Variants in COLEC10 observed in about 807,000 individuals in gnomAD.
COLEC10 encodes the protein collectin subfamily member 10.
COLEC10 carries 22 observed loss-of-function variants against 28.4 expected under a neutral mutation model. That is an observed-to-expected ratio of 0.78 (90% confidence interval 0.55 to 1.11). COLEC10 has a LOEUF of 1.11. COLEC10 is among the 50% of genes least tolerant of loss of function. The probability of loss-of-function intolerance (pLI) is 0.00; values close to 1 mark genes in which losing one functional copy is unlikely to be tolerated. For missense variants in COLEC10, 361 were observed against 344.1 expected (o/e 1.05, Z -0.39); for synonymous variants, 125 against 116.1 (o/e 1.08, Z -0.49).
intron 3 of COLEC10, among the ~76,000 whole-genome samples, chr8:119,095,569 G>A (rs939018990): frequency 1.3e-5 from 2 of 152,152 alleles, no homozygotes; most frequent in Non-Finnish European, 2.9e-5. Context: ...TGGCATGGTA[G>A]TGCATGCCTG....
intron 1 of COLEC10, among the ~76,000 whole-genome samples, chr8:119,079,408 T>G (rs1410698856): frequency 6.6e-6 from 1 of 152,160 alleles, no homozygotes; most frequent in Non-Finnish European, 1.5e-5. Context: ...TGATCCCAGA[T>G]CCTATGCTCT....
At chr8:118,954,406 A>G in the COLEC10 span, among the ~76,000 whole-genome samples, 12 of 152,292 alleles carry the variant, frequency 7.9e-5, no homozygotes, top group African/African-American at 2.9e-4. Context: ...GTAATCCACT[A>G]CTGTGGGCTG....
chr8:118,964,140 A>G, the COLEC10 span, among the ~76,000 whole-genome samples: 1 of 152,202 alleles, frequency 6.6e-6, no homozygotes, highest in Non-Finnish European at 1.5e-5. Flanking sequence ...CAGGGGGATA[A>G]AAGTAGTAAG....
At chr8:119,102,511 C>A in intron 4 of COLEC10, 110 bp downstream of exon 4, 2 of 878,864 alleles carry the variant, frequency 2.3e-6, no homozygotes, top group Non-Finnish European at 1.7e-6. Flanking sequence ...GTATGCTTAA[C>A]CTTATTTTCC....
Position 119,018,880 on chromosome 8 carries a change from A to T in COLEC10, n.235+9327A>T, listed in dbSNP as rs568934023. The stretch of plus-strand genomic sequence containing the variant: ...CATACATGGGCATACACATCCCCCC[A>T]GTACCCAGGGAAATCTTCCATAACT... On this transcript the variant is annotated intron_variant and non_coding_transcript_variant, in intron 2 of 6. Coordinates refer to the COLEC10 transcript ENST00000521788. Among the ~76,000 whole-genome samples the T allele has an allele frequency of 1.2e-4, 18 of 152,304 alleles. No homozygotes were observed. The South Asian group carries it at 3.3e-3, about 28-fold the overall frequency.
At chr8:119,006,782 T>C (rs1321201324) in intron 1 of COLEC10, among the ~76,000 whole-genome samples, 1 of 152,094 alleles carries the variant, frequency 6.6e-6, no homozygotes, top group Non-Finnish European at 1.5e-5. Context: ...ATAACTCCTG[T>C]TCGTTTTTCA....
intron 1 of COLEC10, among the ~76,000 whole-genome samples, chr8:119,069,865 T>C (rs1485299): frequency 0.73 from 110,882 of 151,290 alleles, 41,697 homozygotes; most frequent in African/African-American, 0.9. Context: ...ATACTTTTCT[T>C]CATGGCTAAT....
chr8:118,967,254 A>G, the COLEC10 span, among the ~76,000 whole-genome samples: 3,170 of 152,198 alleles, frequency 0.021, 55 homozygotes, highest in Non-Finnish European at 0.03. Context: ...CTGGTTCAGA[A>G]CCATTAGCAT....
chr8:118,969,693 C>CTT, the COLEC10 span, among the ~76,000 whole-genome samples: 522 of 139,416 alleles, frequency 3.7e-3, 3 homozygotes, highest in African/African-American at 0.013. Context: ...TTCTTTCTTT[C>CTT]TTTTTTTTTT....
rs182371903 is a variant in COLEC10 at position 119,004,641 on chromosome 8, C to T, written n.123-4800C>T. Reference sequence around the variant, plus strand: ...GAGATATATATATATCTCCAGATATCCAACCCATCTTCAAACTCTACATAG... The same window carrying T: ...GAGATATATATATATCTCCAGATATTCAACCCATCTTCAAACTCTACATAG... On this transcript the variant is annotated intron_variant and non_coding_transcript_variant, in intron 1 of 6. Transcript: ENST00000521788. Among the ~76,000 whole-genome samples, 1,062 of 150,982 alleles carry T rather than the reference C, an allele frequency of 7.0e-3. 15 individuals carry two copies. Among genetic ancestry groups the T allele is most frequent in the African/African-American group, 0.023 (958 of 41,182 alleles).
At chr8:119,050,716 T>C (rs1814660190) in intron 2 of COLEC10, among the ~76,000 whole-genome samples, 1 of 152,226 alleles carries the variant, frequency 6.6e-6, no homozygotes, top group Admixed American at 6.5e-5. Flanking sequence ...TCTTGGTTAC[T>C]GATGCAAAGG....
intron 1 of COLEC10, among the ~76,000 whole-genome samples, chr8:119,076,685 G>A (rs1815245358): frequency 6.6e-6 from 1 of 152,326 alleles, no homozygotes; most frequent in South Asian, 2.1e-4. Flanking sequence ...TTGTAGCATT[G>A]AGTGCAGTCA....
chr8:119,003,958 G>T (rs1191555009), intron 1 of COLEC10, among the ~76,000 whole-genome samples: 1 of 152,058 alleles, frequency 6.6e-6, no homozygotes, highest in Non-Finnish European at 1.5e-5. Flanking sequence ...GGACCATACA[G>T]TTGATTATGC....
chr8:119,006,478 T>G (rs1167588131), intron 1 of COLEC10, among the ~76,000 whole-genome samples: 1 of 152,130 alleles, frequency 6.6e-6, no homozygotes, highest in Non-Finnish European at 1.5e-5. Flanking sequence ...GAAACTGTTT[T>G]GTGGGAAACA....
Position 119,091,401 on chromosome 8 carries a change from A to G in COLEC10, c.292+181A>G, listed in dbSNP as rs573815838. 2.8e-3 allele frequency among the ~76,000 whole-genome samples: 392 copies of G among 138,528 alleles called. 1 individual carries two copies. The highest frequency in any genetic ancestry group is 0.011 in the African/African-American group (377 of 35,830). The allele number at this position is 138,528 out of a possible 152,430, so 90.9% of individuals were successfully genotyped here. A position where few individuals can be genotyped will look rare whatever the true frequency, so the allele number is the denominator to read the frequency against. ...AATCTCTACCAAAAAAAAAAAAAAA[A>G]TGAATTAGCTGGGCATGGTGGCACA... On this transcript the variant is annotated intron_variant, in intron 3 of 5. Coordinates refer to ENST00000332843, the MANE Select transcript of COLEC10 (RefSeq NM_006438.5).
the COLEC10 span, chr8:118,982,572 T>G: frequency 5.3e-6 from 1 of 190,062 alleles, no homozygotes; most frequent in Non-Finnish European, 1.2e-5. Context: ...CAAGAATCAA[T>G]CTTCATCTTT....
chr8:118,995,084 C>T (rs1366709616), upstream of COLEC10, among the ~76,000 whole-genome samples: 2 of 152,152 alleles, frequency 1.3e-5, no homozygotes, highest in Non-Finnish European at 2.9e-5. Context: ...GAAAACCTTA[C>T]CAATCAGCAA....
At chr8:119,075,755 T>A (rs576431517) in intron 1 of COLEC10, among the ~76,000 whole-genome samples, 16 of 152,248 alleles carry the variant, frequency 1.1e-4, no homozygotes, top group African/African-American at 3.9e-4. Flanking sequence ...TTGTGAGTTA[T>A]CTGAGGAGAA....
chr8:119,073,991 TAC>T (rs1360235210), intron 1 of COLEC10, among the ~76,000 whole-genome samples: 1 of 151,658 alleles, frequency 6.6e-6, no homozygotes, highest in Non-Finnish European at 1.5e-5. Context: ...CGTATATATA[TAC>T]ACACATATAT....
Sources: allele counts gnomAD v4.1 joint callset (sites outside exome capture counted in the v4.1 genomes callset), GRCh38; gene constraint gnomAD v4.1.1; transcripts MANE v1.5; gene names NCBI Gene and HGNC (gene_info 2026-07-23, HGNC 2026-07-21).